FHIP1A: variants seen among roughly 807,000 people sequenced by gnomAD.
FHIP1A encodes the protein FHF complex subunit HOOK interacting protein 1A.
Under a neutral mutation model 88.6 loss-of-function variants are expected in FHIP1A, and 61 were observed. The ratio of observed to expected loss-of-function variants is 0.69; its 90% CI spans 0.56 to 0.85. FHIP1A has a LOEUF of 0.85. Ranked by LOEUF, FHIP1A falls within the 40% of genes least tolerant of loss-of-function variation. The pLI is 0.00. For missense variants in FHIP1A, 1,154 were observed against 1,273.5 expected (o/e 0.91, Z 1.43); for synonymous variants, 478 against 496.0 (o/e 0.96, Z 0.48).
At chr4:151,585,407 T>C in intron 5 of FHIP1A, among the ~76,000 whole-genome samples, 1 of 152,168 alleles carries the variant, frequency 6.6e-6, no homozygotes, top group East Asian at 1.9e-4. Flanking sequence ...CTCAAACTCC[T>C]GGTTCAAGTG....
chr4:151,464,466 G>A (rs1268343220), intron 2 of FHIP1A, among the ~76,000 whole-genome samples: 1 of 152,116 alleles, frequency 6.6e-6, no homozygotes, highest in African/African-American at 2.4e-5. Context: ...GGTATCTGGG[G>A]GCTCTGTGGA....
chr4:151,514,121 A>G (rs1731137685), intron 3 of FHIP1A, among the ~76,000 whole-genome samples: 1 of 152,258 alleles, frequency 6.6e-6, no homozygotes, highest in Non-Finnish European at 1.5e-5. Flanking sequence ...CCACAGTGCA[A>G]TCAAATTAGA....
chr4:151,453,160 C>T (rs1016725923), intron 1 of FHIP1A, among the ~76,000 whole-genome samples: 3 of 151,726 alleles, frequency 2.0e-5, no homozygotes, highest in Middle Eastern at 3.4e-3. Context: ...GGATTACAGG[C>T]GCCTTCCACC....
intron 3 of FHIP1A, among the ~76,000 whole-genome samples, chr4:151,484,240 C>T (rs1297889864): frequency 1.3e-5 from 2 of 152,168 alleles, no homozygotes; most frequent in African/African-American, 4.8e-5. Context: ...CGTTTACAAC[C>T]ATTCACCTGT....
At chr4:151,455,064 T>C (rs1007830234) in intron 2 of FHIP1A, among the ~76,000 whole-genome samples, 2 of 152,132 alleles carry the variant, frequency 1.3e-5, no homozygotes, top group African/African-American at 4.8e-5. Flanking sequence ...CTGATTTGTA[T>C]AGATGATGAT....
At position 151,585,494 on chromosome 4, in the gene FHIP1A, T is replaced by C. The variant is rs535161034; in HGVS notation, c.733-1147T>C. Reference sequence around the variant, plus strand: ...ACCCCTGGCCCCATAGCTGGCTCCTTTGCATTCAATCTGTGCCATCCCTGG... The same window carrying C: ...ACCCCTGGCCCCATAGCTGGCTCCTCTGCATTCAATCTGTGCCATCCCTGG... On this transcript the variant is annotated intron_variant, in intron 5 of 13. Transcript: ENST00000435205. Among the ~76,000 whole-genome samples, 337 of 152,276 alleles carry C rather than the reference T, an allele frequency of 2.2e-3. 1 individual carries two copies. Among genetic ancestry groups the C allele is most frequent in the African/African-American group, 7.7e-3 (318 of 41,560 alleles).
intron 8 of FHIP1A, among the ~76,000 whole-genome samples, chr4:151,638,343 GTGTA>G (rs760303929): frequency 1.3e-5 from 2 of 151,726 alleles, no homozygotes; most frequent in Non-Finnish European, 2.9e-5. Context: ...GTGTGTGTGT[GTGTA>G]TGTGAGAGAG....
intron 7 of FHIP1A, among the ~76,000 whole-genome samples, chr4:151,617,402 A>C (rs1560802203): frequency 6.6e-6 from 1 of 152,068 alleles, no homozygotes; most frequent in Non-Finnish European, 1.5e-5. Context: ...GATAATCCAG[A>C]GTCCTTAACC....
At chr4:151,595,559 G>T (rs1484670778) in intron 7 of FHIP1A, among the ~76,000 whole-genome samples, 1 of 152,054 alleles carries the variant, frequency 6.6e-6, no homozygotes. Context: ...GAGCTGAGTT[G>T]AAGTCCGTCC....
intron 3 of FHIP1A, among the ~76,000 whole-genome samples, chr4:151,550,790 C>G (rs181127830): frequency 9.7e-4 from 148 of 152,252 alleles, no homozygotes; most frequent in Non-Finnish European, 1.3e-3. Flanking sequence ...GATTTGCATG[C>G]AGGAGTTTGT....
rs142757175 is a variant in FHIP1A, at chr4:151,573,343, T to C, written c.106-4107T>C. ...TTCTTAAAGTTTGTAGATCAACAAA[T>C]GTCTAGCTATGATCCGCAAAACGTT... On this transcript the variant is annotated intron_variant, in intron 4 of 13. Coordinates refer to ENST00000435205, the MANE Select transcript of FHIP1A (RefSeq NM_001109977.3). 3.0e-3 allele frequency among the ~76,000 whole-genome samples: 461 copies of C among 152,194 alleles called. 1 individual carries two copies. The highest frequency in any genetic ancestry group is 5.4e-3 in the Non-Finnish European group (370 of 68,004).
intron 7 of FHIP1A, among the ~76,000 whole-genome samples, chr4:151,624,609 T>A (rs1735881496): frequency 6.6e-6 from 1 of 152,196 alleles, no homozygotes; most frequent in African/African-American, 2.4e-5. Flanking sequence ...AGAGATTGGC[T>A]TTTATTTTAA....
At chr4:151,644,191 A>G (rs1420915322) in intron 9 of FHIP1A, among the ~76,000 whole-genome samples, 3 of 152,190 alleles carry the variant, frequency 2.0e-5, no homozygotes, top group Non-Finnish European at 4.4e-5. Context: ...TCACCAGCCT[A>G]TAGGAAGAGT....
intron 1 of FHIP1A, among the ~76,000 whole-genome samples, chr4:151,452,633 T>A (rs1482233354): frequency 6.6e-6 from 1 of 152,040 alleles, no homozygotes; most frequent in Non-Finnish European, 1.5e-5. Context: ...ATAAACTAGC[T>A]GGGTGTGGTG....
At chr4:151,621,448 G>A (rs1735741138) in intron 7 of FHIP1A, among the ~76,000 whole-genome samples, 1 of 151,082 alleles carries the variant, frequency 6.6e-6, no homozygotes, top group Non-Finnish European at 1.5e-5. Flanking sequence ...AGCTTGCTTT[G>A]TTACTTTGTT....
At chr4:151,451,283 CTTTA>C (rs770700148) in intron 1 of FHIP1A, among the ~76,000 whole-genome samples, 10 of 151,976 alleles carry the variant, frequency 6.6e-5, no homozygotes, top group Admixed American at 1.3e-4. Context: ...TACCTTTCAA[CTTTA>C]TTTATTTTTG....
At chr4:151,521,750 G>A (rs184943458) in intron 3 of FHIP1A, among the ~76,000 whole-genome samples, 6 of 151,958 alleles carry the variant, frequency 3.9e-5, no homozygotes, top group South Asian at 4.2e-4. Flanking sequence ...TTCAAGACAG[G>A]GTCTTGCTCT....
Position 151,646,680 on chromosome 4 carries a change from T to A in FHIP1A, c.1349T>A (p.Ile450Asn). 2 of 1,551,496 alleles carry A rather than the reference T, an allele frequency of 1.3e-6. No individual in the cohort carries two copies. The highest frequency in any genetic ancestry group is 1.7e-6 in the Non-Finnish European group (2 of 1,146,814). The stretch of plus-strand genomic sequence containing the variant: ...ACTCCTGTCTGCTGCTCCAGCGGGA[T>A]CACTCTGACGCTGGGGAACCAAGAG... ...ALTPVCCSSG[I>N]TLTLGNQERD... Residue 450 changes from isoleucine (I) to asparagine (N), a missense_variant, in exon 10 of 14, where the codon ATC (isoleucine) becomes AAC (asparagine). Physicochemically the swap from Ile to Asn is moderately radical, Grantham distance 149. Transcript: ENST00000435205.
chr4:151,542,819 A>G (rs1428259267), intron 3 of FHIP1A, among the ~76,000 whole-genome samples: 1 of 152,188 alleles, frequency 6.6e-6, no homozygotes, highest in African/African-American at 2.4e-5. Flanking sequence ...GATTTGCTTG[A>G]GATCAAATGC....
Sources: allele counts gnomAD v4.1 joint callset (sites outside exome capture counted in the v4.1 genomes callset), GRCh38; gene constraint gnomAD v4.1.1; transcripts MANE v1.5; gene names NCBI Gene and HGNC (gene_info 2026-07-23, HGNC 2026-07-21).